The following ARB2A variants were observed in gnomAD, a reference collection of about 807,000 sequenced individuals.
ARB2A encodes the protein cotranscriptional regulator ARB2A.
At chr5:93,700,312 T>G in the ARB2A span, among the ~76,000 whole-genome samples, 71 of 152,158 alleles carry the variant, frequency 4.7e-4, no homozygotes, top group African/African-American at 1.7e-3. Context: ...TCATAAATCA[T>G]CCCTAAGGCA....
chr5:93,990,469 T>G, the ARB2A span, among the ~76,000 whole-genome samples: 1 of 151,902 alleles, frequency 6.6e-6, no homozygotes, highest in Non-Finnish European at 1.5e-5. Flanking sequence ...GAGACTATTC[T>G]ATTGAACATA....
the ARB2A span, among the ~76,000 whole-genome samples, chr5:93,849,224 T>C: frequency 6.6e-6 from 1 of 152,134 alleles, no homozygotes; most frequent in African/African-American, 2.4e-5. Flanking sequence ...CAACAAATAA[T>C]TGAAAAAAAA....
At chr5:93,893,166 G>A in the ARB2A span, among the ~76,000 whole-genome samples, 1 of 151,974 alleles carries the variant, frequency 6.6e-6, no homozygotes, top group Non-Finnish European at 1.5e-5. Flanking sequence ...GTTCCTGGGG[G>A]TTACAAATTT....
the ARB2A span, among the ~76,000 whole-genome samples, chr5:93,834,730 AT>A: frequency 3.9e-5 from 6 of 152,208 alleles, no homozygotes; most frequent in Non-Finnish European, 7.3e-5. Flanking sequence ...TATAAATGTG[AT>A]GATGCTATTC....
At chr5:93,637,716 C>T in the ARB2A span, among the ~76,000 whole-genome samples, 1 of 152,062 alleles carries the variant, frequency 6.6e-6, no homozygotes, top group Admixed American at 6.5e-5. Flanking sequence ...ATTCTAGATC[C>T]TTTGCCTTTA....
chr5:93,733,791 G>T, the ARB2A span: 1 of 152,040 alleles, frequency 6.6e-6, no homozygotes, highest in East Asian at 1.9e-4. Flanking sequence ...TTTCCACTAG[G>T]TTTAATTGCA....
the ARB2A span, among the ~76,000 whole-genome samples, chr5:94,096,358 G>T: frequency 6.6e-6 from 1 of 152,134 alleles, no homozygotes. Flanking sequence ...CATTAACTTG[G>T]ATATTTACTC....
At chr5:93,938,711 G>A in the ARB2A span, among the ~76,000 whole-genome samples, 11 of 152,286 alleles carry the variant, frequency 7.2e-5, no homozygotes, top group East Asian at 2.1e-3. Flanking sequence ...TGGAGAGAGA[G>A]AGCATGCCTG....
the ARB2A span, among the ~76,000 whole-genome samples, chr5:93,985,091 T>C: frequency 6.6e-6 from 1 of 152,170 alleles, no homozygotes; most frequent in Non-Finnish European, 1.5e-5. Flanking sequence ...TATTTTCTCT[T>C]CTTTCTTAAA....
At chr5:94,024,311 C>G in the ARB2A span, among the ~76,000 whole-genome samples, 1 of 152,162 alleles carries the variant, frequency 6.6e-6, no homozygotes, top group East Asian at 1.9e-4. Flanking sequence ...AGAGGGAATT[C>G]TGCCAGCAGA....
the ARB2A span, among the ~76,000 whole-genome samples, chr5:93,897,352 T>C: frequency 3.3e-5 from 5 of 151,992 alleles, no homozygotes; most frequent in African/African-American, 9.7e-5. Flanking sequence ...CAACATGGTA[T>C]AATTTATAAA....
At chr5:93,658,907 T>G in the ARB2A span, among the ~76,000 whole-genome samples, 1 of 137,978 alleles carries the variant, frequency 7.2e-6, no homozygotes, top group African/African-American at 2.8e-5. Flanking sequence ...TCTTGTTTCC[T>G]GTAGGGTGAC....
chr5:93,764,338 T>A, the ARB2A span, among the ~76,000 whole-genome samples: 3 of 152,038 alleles, frequency 2.0e-5, no homozygotes, highest in Non-Finnish European at 2.9e-5. Context: ...AAGAATCAAA[T>A]AGACGCAATA....
the ARB2A span, chr5:93,805,005 A>C: frequency 2.0e-6 from 2 of 979,124 alleles, no homozygotes; most frequent in Non-Finnish European, 2.4e-6. Flanking sequence ...TCAGTAGTCA[A>C]ACAGAAAAAA....
chr5:93,995,803 C>T, the ARB2A span, among the ~76,000 whole-genome samples: 7 of 152,154 alleles, frequency 4.6e-5, no homozygotes, highest in East Asian at 1.9e-4. Context: ...TCTCACGTTA[C>T]GTGTTCTTAC....
the ARB2A span, among the ~76,000 whole-genome samples, chr5:93,885,175 A>G: frequency 6.6e-6 from 1 of 151,704 alleles, no homozygotes; most frequent in East Asian, 1.9e-4. Context: ...CAATCAGTAC[A>G]CAACAAAATT....
At chr5:93,810,572 A>C in the ARB2A span, among the ~76,000 whole-genome samples, 1 of 151,836 alleles carries the variant, frequency 6.6e-6, no homozygotes, top group Non-Finnish European at 1.5e-5. Flanking sequence ...CCAGCTATTT[A>C]AAAAAATTTT....
the ARB2A span, among the ~76,000 whole-genome samples, chr5:93,789,651 G>C: frequency 6.6e-6 from 1 of 152,228 alleles, no homozygotes; most frequent in Middle Eastern, 3.4e-3. Flanking sequence ...ACTCTGTCCT[G>C]TGCTATCCAA....
chr5:93,720,329 A>G, the ARB2A span, among the ~76,000 whole-genome samples: 1 of 152,194 alleles, frequency 6.6e-6, no homozygotes, highest in Non-Finnish European at 1.5e-5. Flanking sequence ...AAACAATTCA[A>G]TCATTATATT....
Sources: gnomAD v4.1 joint callset for allele counts (sites outside exome capture counted in the v4.1 genomes callset) on GRCh38, gnomAD v4.1.1 for gene constraint, MANE v1.5 for transcripts, NCBI Gene and HGNC (gene_info 2026-07-23, HGNC 2026-07-21) for gene names.